ZNF346: variants seen among roughly 807,000 people sequenced by gnomAD.
ZNF346 encodes the protein zinc finger protein 346, also known as double-stranded RNA-binding zinc finger protein JAZ.
In ZNF346, 23 loss-of-function variants were observed where a neutral mutation model predicts 33.7. The observed-to-expected ratio is 0.68, with a 90% CI of 0.49 to 0.97. The LOEUF (loss-of-function observed/expected upper bound fraction) is 0.97. ZNF346 is among the 50% of genes least tolerant of loss of function. The pLI is 0.00. For missense variants in ZNF346, 340 were observed against 371.1 expected, an observed-to-expected ratio of 0.92 and a Z score of 0.69; for synonymous variants, 134 against 142.4, an observed-to-expected ratio of 0.94 and a Z score of 0.42.
chr5:177,051,512 T>C (rs1159274434), intron 5 of ZNF346, among the ~76,000 whole-genome samples: 2 of 149,516 alleles, frequency 1.3e-5, no homozygotes, highest in Non-Finnish European at 3.0e-5. Flanking sequence ...AAAGCCAGAT[T>C]TATATAGAAA....
chr5:177,028,228 G>A (rs1245713910), intron 1 of ZNF346, among the ~76,000 whole-genome samples: 9 of 147,754 alleles, frequency 6.1e-5, no homozygotes, highest in African/African-American at 2.0e-4. Flanking sequence ...TAGTAGAGAC[G>A]GGGTTTCACT....
intron 8 of ZNF346, among the ~76,000 whole-genome samples, chr5:177,075,979 G>A (rs780683601): frequency 7.2e-5 from 11 of 152,198 alleles, no homozygotes; most frequent in Non-Finnish European, 1.2e-4. Context: ...GAGCCACCAC[G>A]CCCGTCTGGC....
downstream of ZNF346, among the ~76,000 whole-genome samples, chr5:177,072,870 A>G (rs925680883): frequency 6.6e-6 from 1 of 152,220 alleles, no homozygotes; most frequent in South Asian, 2.1e-4. Flanking sequence ...CTATGCCTGA[A>G]GCTAATATCC....
intron 4 of ZNF346, among the ~76,000 whole-genome samples, chr5:177,049,051 G>C (rs971855470): frequency 5.9e-5 from 9 of 152,024 alleles, no homozygotes; most frequent in African/African-American, 2.2e-4. Flanking sequence ...CTCCCAAAGT[G>C]CTGGGATTAC....
intron 5 of ZNF346, among the ~76,000 whole-genome samples, chr5:177,058,933 C>G (rs1347658909): frequency 1.3e-5 from 2 of 152,206 alleles, no homozygotes; most frequent in Non-Finnish European, 2.9e-5. Flanking sequence ...CAGGGTTTCA[C>G]CAGGTTGGCT....
intron 1 of ZNF346, among the ~76,000 whole-genome samples, chr5:177,031,138 C>T (rs1348768922): frequency 6.6e-6 from 1 of 152,128 alleles, no homozygotes; most frequent in Non-Finnish European, 1.5e-5. Flanking sequence ...TGGGTTCACG[C>T]CATTCTCCTG....
intron 6 of ZNF346, among the ~76,000 whole-genome samples, chr5:177,063,634 G>T (rs192985204): frequency 6.6e-6 from 1 of 152,302 alleles, no homozygotes; most frequent in East Asian, 1.9e-4. Context: ...GTTGTTCGCT[G>T]CTCTCTTGCT....
At chr5:177,046,492 G>A (rs1411855792) in intron 4 of ZNF346, among the ~76,000 whole-genome samples, 4 of 151,906 alleles carry the variant, frequency 2.6e-5, no homozygotes, top group Admixed American at 6.6e-5. Context: ...TTTATATCCC[G>A]CTTTTACTTT....
intron 4 of ZNF346, 178 bp from the exon 5 acceptor site, chr5:177,050,573 T>C: frequency 1.5e-6 from 1 of 646,484 alleles, no homozygotes; most frequent in Non-Finnish European, 2.7e-6. Flanking sequence ...TTCACCTGTG[T>C]GACTCACACA....
At chr5:177,070,001 T>G (rs1314700652), downstream of ZNF346, among the ~76,000 whole-genome samples, 1 of 152,128 alleles carries the variant, frequency 6.6e-6, no homozygotes, top group African/African-American at 2.4e-5. Flanking sequence ...GTTTCTAGTT[T>G]GGGGGTATCA....
intron 4 of ZNF346, among the ~76,000 whole-genome samples, chr5:177,045,583 C>G (rs1372855853): frequency 6.6e-6 from 1 of 152,114 alleles, no homozygotes; most frequent in Non-Finnish European, 1.5e-5. Flanking sequence ...GTCTCAAACT[C>G]CTGACCTCGT....
chr5:177,034,584 C>G (rs1346146909), intron 1 of ZNF346, among the ~76,000 whole-genome samples: 1 of 152,140 alleles, frequency 6.6e-6, no homozygotes, highest in Non-Finnish European at 1.5e-5. Flanking sequence ...CTCTGTGTTC[C>G]TACTTCATCG....
intron 1 of ZNF346, among the ~76,000 whole-genome samples, chr5:177,032,416 C>CT (rs1031758266): frequency 9.3e-4 from 134 of 144,226 alleles, no homozygotes; most frequent in Admixed American, 2.3e-3. Flanking sequence ...CTGCACGCAG[C>CT]TTTTTTTTTT....
chr5:177,035,104 C>T (rs1215093092), intron 1 of ZNF346, among the ~76,000 whole-genome samples: 1 of 151,978 alleles, frequency 6.6e-6, no homozygotes, highest in African/African-American at 2.4e-5. Context: ...GCAACCTCCA[C>T]CTCCTGGGTT....
At chr5:177,076,244 C>T (rs1471704729) in intron 8 of ZNF346, among the ~76,000 whole-genome samples, 1 of 152,236 alleles carries the variant, frequency 6.6e-6, no homozygotes, top group South Asian at 2.1e-4. Context: ...AACCAGCTAA[C>T]GTGTTGTGGG....
At chr5:177,048,833 TGGA>T in intron 4 of ZNF346, among the ~76,000 whole-genome samples, 2 of 149,470 alleles carry the variant, frequency 1.3e-5, no homozygotes, top group African/African-American at 2.5e-5. Context: ...TCGCTCAGAG[TGGA>T]GTGCAATGGC....
downstream of ZNF346, among the ~76,000 whole-genome samples, chr5:177,069,132 A>G (rs545249689): frequency 2.9e-4 from 41 of 141,714 alleles, 2 homozygotes; most frequent in Non-Finnish European, 4.4e-4. Flanking sequence ...TGTGGAATTC[A>G]CCCATGTTAC....
At chr5:177,073,380 T>G (rs1016628563) in intron 8 of ZNF346, among the ~76,000 whole-genome samples, 1 of 152,210 alleles carries the variant, frequency 6.6e-6, no homozygotes, top group African/African-American at 2.4e-5. Context: ...CACAGCTCAT[T>G]GCAGCCTCGA....
chr5:177,061,986 C>G (rs924728521), intron 5 of ZNF346, 72 bp from the exon 6 acceptor site: 4 of 1,356,324 alleles, frequency 2.9e-6, no homozygotes, highest in Non-Finnish European at 4.2e-6. Context: ...GGCATTTGTA[C>G]ACTCTGAAAA....
Sources: gnomAD v4.1 joint callset for allele counts (sites outside exome capture counted in the v4.1 genomes callset) on GRCh38, gnomAD v4.1.1 for gene constraint, MANE v1.5 for transcripts, NCBI Gene and HGNC (gene_info 2026-07-23, HGNC 2026-07-21) for gene names.